Variants in CDH18 observed in about 807,000 individuals in gnomAD.
The protein encoded by CDH18 is cadherin-18.
Under a neutral mutation model 67.9 loss-of-function variants are expected in CDH18, and 31 were observed. That is an observed-to-expected ratio of 0.46 (90% CI 0.34 to 0.62). CDH18 has a LOEUF of 0.62. Ranked by LOEUF, CDH18 falls within the 20% of genes least tolerant of loss-of-function variation. The probability of loss-of-function intolerance (pLI) is 0.01; values close to 1 mark genes in which losing one functional copy is unlikely to be tolerated. For missense variants in CDH18, 890 were observed against 975.5 expected (o/e 0.91, Z 1.17); for synonymous variants, 362 against 347.2 (o/e 1.04, Z -0.48).
At chr5:19,537,713 A>G (rs1181718971) in intron 9 of CDH18, among the ~76,000 whole-genome samples, 3 of 151,894 alleles carry the variant, frequency 2.0e-5, no homozygotes, top group Non-Finnish European at 4.4e-5. Context: ...CTCTTTCTGC[A>G]GTAATTTTCC....
chr5:19,559,683 T>G (rs1739090449), intron 8 of CDH18, among the ~76,000 whole-genome samples: 1 of 151,978 alleles, frequency 6.6e-6, no homozygotes, highest in East Asian at 1.9e-4. Flanking sequence ...GAGAAAGAAA[T>G]AAAGGACATC....
At chr5:20,167,860 G>C (rs1192687662) in intron 2 of CDH18, among the ~76,000 whole-genome samples, 1 of 152,154 alleles carries the variant, frequency 6.6e-6, no homozygotes, top group Admixed American at 6.6e-5. Context: ...GATATCTCTT[G>C]CCAGGGCACC....
intron 1 of CDH18, among the ~76,000 whole-genome samples, chr5:20,496,722 C>G (rs892524497): frequency 2.0e-5 from 3 of 152,060 alleles, no homozygotes; most frequent in African/African-American, 7.2e-5. Flanking sequence ...CTCCTCCATT[C>G]ATTTATTTCA....
chr5:19,498,568 T>C (rs1579821610), intron 11 of CDH18, among the ~76,000 whole-genome samples: 1 of 152,198 alleles, frequency 6.6e-6, no homozygotes, highest in Non-Finnish European at 1.5e-5. Context: ...ATCACTCATG[T>C]TAAAAAGTTA....
intron 2 of CDH18, among the ~76,000 whole-genome samples, chr5:20,046,071 C>A (rs1228888583): frequency 6.6e-6 from 1 of 151,816 alleles, no homozygotes; most frequent in Non-Finnish European, 1.5e-5. Flanking sequence ...AGAGAAATAG[C>A]AGAAAATGTA....
At chr5:19,878,042 GA>G (rs1406608431) in intron 2 of CDH18, 2 of 152,086 alleles carry the variant, frequency 1.3e-5, no homozygotes, top group Non-Finnish European at 2.9e-5. Context: ...TTCGTTGTAA[GA>G]AGGTAGTTGT....
At chr5:19,710,253 A>T (rs966414248) in intron 5 of CDH18, among the ~76,000 whole-genome samples, 3 of 152,290 alleles carry the variant, frequency 2.0e-5, no homozygotes, top group Admixed American at 6.5e-5. Context: ...TAAGACAATT[A>T]AAAAACCATG....
intron 2 of CDH18, among the ~76,000 whole-genome samples, chr5:20,237,450 A>G (rs1742565194): frequency 6.6e-6 from 1 of 151,994 alleles, no homozygotes; most frequent in Admixed American, 6.6e-5. Context: ...ATAAAAAAGT[A>G]GTATACTTAA....
intron 1 of CDH18, among the ~76,000 whole-genome samples, chr5:20,278,288 A>C (rs1032976684): frequency 6.6e-6 from 1 of 152,264 alleles, no homozygotes; most frequent in Admixed American, 6.5e-5. Context: ...ATAACATAGG[A>C]TGGATCTCCA....
At chr5:20,325,439 A>C (rs919518006) in intron 1 of CDH18, among the ~76,000 whole-genome samples, 1 of 152,200 alleles carries the variant, frequency 6.6e-6, no homozygotes, top group African/African-American at 2.4e-5. Context: ...TTACATGTTA[A>C]TTCAATGGAA....
chr5:19,844,491 G>A (rs1043732913), intron 2 of CDH18, among the ~76,000 whole-genome samples: 3 of 152,086 alleles, frequency 2.0e-5, no homozygotes, highest in Non-Finnish European at 2.9e-5. Context: ...TTAGCTTTGC[G>A]GAACTGTGAG....
chr5:20,497,061 T>C (rs1753953096), intron 1 of CDH18, among the ~76,000 whole-genome samples: 1 of 151,420 alleles, frequency 6.6e-6, no homozygotes, highest in South Asian at 2.1e-4. Context: ...ATTTAGAAAT[T>C]TGAAGGAAAA....
chr5:19,866,904 A>C (rs919354672), intron 2 of CDH18, among the ~76,000 whole-genome samples: 1 of 152,170 alleles, frequency 6.6e-6, no homozygotes, highest in African/African-American at 2.4e-5. Flanking sequence ...AGACTGGCCA[A>C]GATGCTGAAA....
intron 2 of CDH18, among the ~76,000 whole-genome samples, chr5:20,240,208 A>G (rs1742791035): frequency 6.6e-6 from 1 of 152,068 alleles, no homozygotes. Flanking sequence ...GGAAAACAAA[A>G]CAATAGTGGA....
intron 1 of CDH18, among the ~76,000 whole-genome samples, chr5:20,313,230 T>C (rs1737154585): frequency 6.6e-6 from 1 of 152,150 alleles, no homozygotes; most frequent in Non-Finnish European, 1.5e-5. Context: ...AAATGTTTCC[T>C]ATTATATTTG....
At chr5:19,908,603 A>C (rs1193118426) in intron 2 of CDH18, among the ~76,000 whole-genome samples, 1 of 152,154 alleles carries the variant, frequency 6.6e-6, no homozygotes, top group Non-Finnish European at 1.5e-5. Flanking sequence ...TTTAGAATTT[A>C]TTCATCTTTT....
chr5:19,932,293 G>A (rs1394195179), intron 2 of CDH18, among the ~76,000 whole-genome samples: 1 of 151,750 alleles, frequency 6.6e-6, no homozygotes, highest in East Asian at 1.9e-4. Flanking sequence ...TTATACTCAT[G>A]TGCAGAATAT....
chr5:20,238,948 A>G (rs577504365), intron 2 of CDH18, among the ~76,000 whole-genome samples: 2 of 152,330 alleles, frequency 1.3e-5, no homozygotes, highest in South Asian at 4.1e-4. Flanking sequence ...TAAGCAACTC[A>G]AATACCTCTT....
rs533824616 is a variant in CDH18, at chr5:20,184,844, A to G, written c.-518+70600T>C. Among the ~76,000 whole-genome samples, 7 of 152,050 alleles carry G rather than the reference A, an allele frequency of 4.6e-5. No individual in the cohort carries two copies. In the South Asian group the frequency reaches 8.3e-4, roughly 18 times the overall value. ...TGTCTAGGACCAGGATTCCTTTCCA[A>G]TTCTTAACTAGGTGTATAATCTCCT... On this transcript the variant is annotated intron_variant, in intron 2 of 14. Transcript: ENST00000507958.
Sources: allele counts gnomAD v4.1 joint callset (sites outside exome capture counted in the v4.1 genomes callset), GRCh38; gene constraint gnomAD v4.1.1; transcripts MANE v1.5; gene names NCBI Gene and HGNC (gene_info 2026-07-23, HGNC 2026-07-21).